Variants in GAS7 observed in about 807,000 individuals in gnomAD.
The protein encoded by GAS7 is growth arrest-specific protein 7.
A neutral mutation model predicts 71.1 loss-of-function variants in GAS7; 28 were observed. That is an observed-to-expected ratio of 0.39 (90% CI 0.29 to 0.54). The LOEUF (loss-of-function observed/expected upper bound fraction) is 0.54. Among genes scored for constraint, GAS7 ranks in the 20% least tolerant of loss-of-function variants. The pLI is 0.62. For missense variants in GAS7, 436 were observed against 627.8 expected (o/e 0.69, Z 3.27); for synonymous variants, 258 against 245.8 (o/e 1.05, Z -0.46).
intron 1 of GAS7, among the ~76,000 whole-genome samples, chr17:10,134,282 C>T (rs1038281351): frequency 1.3e-5 from 2 of 152,236 alleles, no homozygotes; most frequent in East Asian, 1.9e-4. Context: ...CCGCCCGCCT[C>T]GGCCTCCCAA....
chr17:10,111,350 A>G (rs2073810504), intron 1 of GAS7, among the ~76,000 whole-genome samples: 1 of 103,960 alleles, frequency 9.6e-6, no homozygotes, highest in African/African-American at 3.5e-5. Flanking sequence ...TGGATAACAC[A>G]GTGAAACCCC....
intron 5 of GAS7, among the ~76,000 whole-genome samples, chr17:9,951,397 C>T (rs927371792): frequency 6.6e-6 from 1 of 152,208 alleles, no homozygotes; most frequent in Non-Finnish European, 1.5e-5. Flanking sequence ...CCCTTTCCAT[C>T]GTCTTTCCTC....
At chr17:10,177,994 C>T (rs2074385689) in intron 1 of GAS7, among the ~76,000 whole-genome samples, 1 of 152,102 alleles carries the variant, frequency 6.6e-6, no homozygotes, top group South Asian at 2.1e-4. Context: ...GCAAAGCTGA[C>T]AGGCAGGGAA....
chr17:10,065,350 T>C (rs1308832984), intron 1 of GAS7, among the ~76,000 whole-genome samples: 2 of 152,200 alleles, frequency 1.3e-5, no homozygotes, highest in African/African-American at 4.8e-5. Context: ...CAGAAATGTA[T>C]TCTCTCACAG....
At chr17:9,960,143 C>T (rs760101490) in intron 4 of GAS7, among the ~76,000 whole-genome samples, 15 of 152,070 alleles carry the variant, frequency 9.9e-5, no homozygotes, top group Non-Finnish European at 2.1e-4. Flanking sequence ...CCTAAGGCAC[C>T]GCAGGTGGCC....
intron 1 of GAS7, among the ~76,000 whole-genome samples, chr17:10,097,089 G>A (rs184298626): frequency 2.7e-4 from 41 of 152,298 alleles, no homozygotes; most frequent in African/African-American, 7.2e-4. Flanking sequence ...CTTTGCCCAC[G>A]CCGATCTCTG....
chr17:9,997,948 C>A (rs573265893), intron 2 of GAS7, among the ~76,000 whole-genome samples: 1 of 152,118 alleles, frequency 6.6e-6, no homozygotes, highest in Non-Finnish European at 1.5e-5. Context: ...TCCCCAGGCT[C>A]CATGTGGTCA....
At chr17:10,138,302 G>A (rs2074055405) in intron 1 of GAS7, among the ~76,000 whole-genome samples, 1 of 152,128 alleles carries the variant, frequency 6.6e-6, no homozygotes, top group Admixed American at 6.5e-5. Context: ...TTAAATAAAT[G>A]TAAAGGAAGG....
chr17:10,067,584 C>A (rs1399805782), intron 1 of GAS7, among the ~76,000 whole-genome samples: 2 of 152,176 alleles, frequency 1.3e-5, no homozygotes, highest in African/African-American at 4.8e-5. Flanking sequence ...ACCCCCACCC[C>A]CTCTGGCTAG....
intron 1 of GAS7, among the ~76,000 whole-genome samples, chr17:10,144,404 G>A (rs1018180134): frequency 3.3e-5 from 5 of 152,168 alleles, no homozygotes; most frequent in African/African-American, 1.2e-4. Context: ...GCCCCAAGAG[G>A]CATTTTTGGG....
chr17:10,172,692 G>A (rs1045574357), intron 1 of GAS7, among the ~76,000 whole-genome samples: 10 of 152,194 alleles, frequency 6.6e-5, no homozygotes, highest in African/African-American at 2.4e-4. Flanking sequence ...AGCAAGGCAG[G>A]GAATTTTACA....
intron 1 of GAS7, among the ~76,000 whole-genome samples, chr17:10,146,500 G>C (rs2074122028): frequency 6.6e-6 from 1 of 152,110 alleles, no homozygotes. Context: ...AGAATCACCT[G>C]GGAACTTGCC....
chr17:10,149,183 A>G lies in GAS7; in HGVS notation c.183+49025T>C, dbSNP rs186108561. On this transcript the variant is annotated intron_variant, in intron 1 of 13. Coordinates refer to ENST00000432992, the MANE Select transcript of GAS7 (RefSeq NM_201433.2). ...AGTGGTGCGATCTTGGCTCACTTCA[A>G]CCTTCATCTCCTGGGTTTAAGCGAT... is the stretch of plus-strand genomic sequence containing the variant. 4.1e-3 allele frequency among the ~76,000 whole-genome samples: 629 copies of G among 152,110 alleles called. 7 individuals carry two copies. The highest frequency in any genetic ancestry group is 2.9e-3 in the Non-Finnish European group (195 of 68,004).
At chr17:10,080,760 C>T (rs559599992) in intron 1 of GAS7, among the ~76,000 whole-genome samples, 1 of 152,322 alleles carries the variant, frequency 6.6e-6, no homozygotes, top group South Asian at 2.1e-4. Context: ...CTAGAATTCA[C>T]AGGAAATAGT....
In GAS7 at chr17:10,125,653, TGAGGAGG is replaced by T. The variant is rs542106244; in HGVS notation, c.183+72548_183+72554del. Among the ~76,000 whole-genome samples, 28 of 149,300 alleles carry T rather than the reference TGAGGAGG, an allele frequency of 1.9e-4. 1 individual carries two copies. In the South Asian group the frequency reaches 6.0e-3, roughly 32 times the overall value. ...AGGGGAGTAAAGGGTGATGGGGAGA[TGAGGAGG>T]GAGGAGGGCAGGGTGGTGTAGAGAA... is the stretch of plus-strand genomic sequence containing the variant. On this transcript the variant is annotated intron_variant, in intron 1 of 13. Transcript: ENST00000432992.
intron 2 of GAS7, among the ~76,000 whole-genome samples, chr17:10,015,159 A>AG (rs964595689): frequency 3.5e-4 from 51 of 146,996 alleles, no homozygotes; most frequent in African/African-American, 1.3e-3. Flanking sequence ...GTCTCAAAAA[A>AG]AAAAGAAAAG....
chr17:10,133,736 C>T (rs1202668383), intron 1 of GAS7, among the ~76,000 whole-genome samples: 1 of 139,392 alleles, frequency 7.2e-6, no homozygotes, highest in Non-Finnish European at 1.6e-5. Context: ...CACCATTCTA[C>T]TCTTTGCTTC....
At chr17:10,151,207 GT>G (rs2074163541) in intron 1 of GAS7, among the ~76,000 whole-genome samples, 1 of 151,882 alleles carries the variant, frequency 6.6e-6, no homozygotes, top group Admixed American at 6.6e-5. Context: ...GTCTTGCTCT[GT>G]TGCCCAAGCT....
intron 1 of GAS7, among the ~76,000 whole-genome samples, chr17:10,043,967 T>A (rs146299988): frequency 6.6e-6 from 1 of 152,086 alleles, no homozygotes; most frequent in East Asian, 1.9e-4. Context: ...AAAGAGAAAA[T>A]ACACCTACAG....
Sources: allele counts gnomAD v4.1 joint callset (sites outside exome capture counted in the v4.1 genomes callset), GRCh38; gene constraint gnomAD v4.1.1; transcripts MANE v1.5; gene names NCBI Gene and HGNC (gene_info 2026-07-23, HGNC 2026-07-21).